Variants in WFDC13 observed in about 807,000 individuals in gnomAD.
WFDC13 encodes WAP four-disulfide core domain protein 13.
A neutral mutation model predicts 10.9 loss-of-function variants in WFDC13; 6 were observed. The ratio of observed to expected loss-of-function variants is 0.55; its 90% CI spans 0.30 to 1.09. The LOEUF (loss-of-function observed/expected upper bound fraction) is 1.09. Among genes scored for constraint, WFDC13 ranks in the 50% least tolerant of loss-of-function variants. The pLI, the probability that WFDC13 is intolerant of heterozygous loss-of-function variation, is 0.06. For missense variants in WFDC13, 104 were observed against 109.6 expected, an observed-to-expected ratio of 0.95 and a Z score of 0.23; for synonymous variants, 38 against 39.5, an observed-to-expected ratio of 0.96 and a Z score of 0.14.
Position 45,704,470 on chromosome 20 carries a change from A to G in WFDC13, c.115A>G (p.Ile39Val), listed in dbSNP as rs1459971068. Residue 39 changes from isoleucine to valine, a missense_variant, in exon 2 of 4, where the codon ATA becomes GTA. Physicochemically the swap from Ile to Val is conservative, Grantham distance 29. Transcript: ENST00000305479. ...LKYILEPPPC[I>V]SAPENCTHLC... ...GTATATCTTGGAACCTCCACCCTGCATATCAGCACCTGAAAACTGTACTCA... is the reference window on the plus strand; with the variant it reads ...GTATATCTTGGAACCTCCACCCTGCGTATCAGCACCTGAAAACTGTACTCA... 6.2e-7 allele frequency: 1 copy of G among 1,614,068 alleles called. No individual in the cohort carries two copies. The highest frequency in any genetic ancestry group is 8.5e-7 in the Non-Finnish European group (1 of 1,179,984).
chr20:45,702,874 C>A (rs1984224297), intron 1 of WFDC13, among the ~76,000 whole-genome samples: 1 of 152,190 alleles, frequency 6.6e-6, no homozygotes, highest in Admixed American at 6.5e-5. Flanking sequence ...ATCATACATC[C>A]ACTCTTCTAT....
At chr20:45,704,661 T>A in intron 2 of WFDC13, 67 bp downstream of exon 2, 1 of 1,573,596 alleles carries the variant, frequency 6.4e-7, no homozygotes, top group Non-Finnish European at 8.6e-7. Flanking sequence ...GAAGAGTCCC[T>A]TACCAGCAAC....
In WFDC13 at chr20:45,705,746, G is replaced by A. The variant is rs879218483; in HGVS notation, c.240-117G>A. ...TTTTTGAGGTTCTGCCTTCCCTATG[G>A]CAAGAGAAATGAGCTTCATGGTCTA... On this transcript the variant is annotated intron_variant, in intron 2 of 3. Coordinates refer to ENST00000305479, the MANE Select transcript of WFDC13 (RefSeq NM_172005.2). The A allele has an allele frequency of 3.2e-6, 3 of 943,730 alleles. No individual in the cohort carries two copies. The Admixed American group carries it at 7.8e-5, about 24-fold the overall frequency. 58.5% of individuals were successfully genotyped at this position (943,730 alleles called of 1,614,324 possible).
chr20:45,706,607 A>G (rs965993809), intron 3 of WFDC13, among the ~76,000 whole-genome samples: 4 of 152,088 alleles, frequency 2.6e-5, no homozygotes, highest in Non-Finnish European at 5.9e-5. Context: ...CCCTGTCTCT[A>G]CTAAAAATAC....
chr20:45,704,778 C>G, intron 2 of WFDC13, 184 bp downstream of exon 2: 1 of 1,262,198 alleles, frequency 7.9e-7, no homozygotes, highest in Non-Finnish European at 1.1e-6. Flanking sequence ...TTAGAAAAGC[C>G]CTCCTCCCCT....
rs1311197036 is a variant in WFDC13 at position 45,708,601 on chromosome 20, C to T, written c.*766C>T. On this transcript the variant is annotated 3_prime_UTR_variant, in exon 4 of 4. Transcript: ENST00000305479. ...TTGAATTATCCTTCTGTTCTCTCTACAGAAATGATATAAAAACTATAGTCA... is the reference window on the plus strand; with the variant it reads ...TTGAATTATCCTTCTGTTCTCTCTATAGAAATGATATAAAAACTATAGTCA... 6.6e-6 allele frequency: 1 copy of T among 151,928 alleles called. No individual in the cohort carries two copies. The highest frequency in any genetic ancestry group is 1.5e-5 in the Non-Finnish European group (1 of 67,996). The allele number at this position is 151,928 out of a possible 1,614,324, so 9.4% of individuals were successfully genotyped here.
rs1463903669 is a variant in WFDC13 at position 45,702,086 on chromosome 20, C to T, written c.-38C>T. On this transcript the variant is annotated 5_prime_UTR_variant, in exon 1 of 4. Transcript: ENST00000305479. ...AGCAGTGCCTGGTCAAACCCAGCAA[C>T]CCTTGGCCAGAACTTACTCACCCAT... 6.3e-7 allele frequency: 1 copy of T among 1,596,042 alleles called. No individual in the cohort carries two copies. The highest frequency in any genetic ancestry group is 1.7e-5 in the Admixed American group (1 of 57,888).
chr20:45,705,079 C>A lies in WFDC13; in HGVS notation c.239+485C>A, dbSNP rs749676612. 6.1e-6 allele frequency: 8 copies of A among 1,311,386 alleles called. No homozygotes were observed. In the South Asian group the frequency reaches 9.4e-5, roughly 15 times the overall value. The allele number at this position is 1,311,386 out of a possible 1,614,324, so 81.2% of individuals were successfully genotyped here. ...TCCAGACATTAACACTAGCCGCAAG[C>A]CTGCTAAATGGAGTGTGCTCCCAGG... On this transcript the variant is annotated intron_variant, in intron 2 of 3. Coordinates refer to ENST00000305479, the MANE Select transcript of WFDC13 (RefSeq NM_172005.2).
chr20:45,707,483 T>TTCAA (rs1239928164), intron 3 of WFDC13, among the ~76,000 whole-genome samples: 1 of 152,182 alleles, frequency 6.6e-6, no homozygotes, highest in African/African-American at 2.4e-5. Context: ...AAATAAAATA[T>TTCAA]TCAATCAGTT....
In WFDC13 at chr20:45,705,903, T is replaced by C; in HGVS notation, c.280T>C (p.Ter94ArgextTer48). ...KGSEVIMPAN[*>R] ...CTCAGAAGTCATCATGCCTGCCAAC[T>C]GAGGCATATTTCCTAGATCATTTTG... Residue 94 changes from the stop codon to arginine, a stop_lost, in exon 3 of 4, where the codon TGA (stop) becomes CGA (arginine). Coordinates refer to ENST00000305479, the MANE Select transcript of WFDC13 (RefSeq NM_172005.2). 6.2e-7 allele frequency: 1 copy of C among 1,614,088 alleles called. No homozygotes were observed. The highest frequency in any genetic ancestry group is 8.5e-7 in the Non-Finnish European group (1 of 1,179,976).
rs180699066 is a variant in WFDC13 at position 45,705,582 on chromosome 20, A to G, written c.240-281A>G. On this transcript the variant is annotated intron_variant, in intron 2 of 3. Coordinates refer to ENST00000305479, the MANE Select transcript of WFDC13 (RefSeq NM_172005.2). ...TGTAAGCTTTAAAACATTACTTGCC[A>G]ACATAATTGCTGTGAATTTTGGGGA... Among the ~76,000 whole-genome samples the G allele has an allele frequency of 4.5e-3, 686 of 152,332 alleles. 5 individuals carry two copies. The highest frequency in any genetic ancestry group is 0.01 in the Middle Eastern group (3 of 294).
intron 2 of WFDC13, 121 bp from the exon 3 acceptor site, chr20:45,705,742 T>C: frequency 1.1e-6 from 1 of 898,856 alleles, no homozygotes. Flanking sequence ...CTGCCTTCCC[T>C]ATGGCAAGAG....
intron 2 of WFDC13, chr20:45,705,192 A>G (rs1600969782): frequency 3.6e-6 from 2 of 555,864 alleles, no homozygotes; most frequent in African/African-American, 1.9e-5. Flanking sequence ...GAGTAAGACA[A>G]TTCCCTCTTT....
chr20:45,702,805 G>T (rs961639576), intron 1 of WFDC13, among the ~76,000 whole-genome samples: 1 of 152,216 alleles, frequency 6.6e-6, no homozygotes, highest in African/African-American at 2.4e-5. Context: ...ACTCAAAAGA[G>T]CTCTGGCTCT....
At chr20:45,705,062 T>C in intron 2 of WFDC13, 1 of 1,478,370 alleles carries the variant, frequency 6.8e-7, no homozygotes, top group Non-Finnish European at 9.5e-7. Context: ...TGTCCAGACA[T>C]TAACACTAGC....
At chr20:45,704,339 C>T in intron 1 of WFDC13, 105 bp from the exon 2 acceptor site, 1 of 1,453,236 alleles carries the variant, frequency 6.9e-7, no homozygotes, top group Non-Finnish European at 9.3e-7. Flanking sequence ...CCATGCAAGG[C>T]AGATGAGGGT....
intron 2 of WFDC13, among the ~76,000 whole-genome samples, chr20:45,705,406 G>T (rs1984352192): frequency 1.3e-5 from 2 of 151,986 alleles, no homozygotes; most frequent in Admixed American, 1.3e-4. Flanking sequence ...ATTAAGCATG[G>T]GCTCAAAGCC....
In WFDC13 at chr20:45,702,055, C is replaced by A. The variant is rs73908188; in HGVS notation, c.-69C>A. The stretch of plus-strand genomic sequence containing the variant: ...ACTTTGCCCTCTTTCCTTCTCTTCT[C>A]CTCACAGCAGTGCCTGGTCAAACCC... On this transcript the variant is annotated 5_prime_UTR_variant, in exon 1 of 4. Coordinates refer to ENST00000305479, the MANE Select transcript of WFDC13 (RefSeq NM_172005.2). The A allele has an allele frequency of 1.4e-6, 2 of 1,464,706 alleles. No homozygotes were observed. Among genetic ancestry groups the A allele is most frequent in the Non-Finnish European group, 1.9e-6 (2 of 1,065,310 alleles). 90.7% of individuals were successfully genotyped at this position (1,464,706 alleles called of 1,614,324 possible). A position where few individuals can be genotyped will look rare whatever the true frequency, so the allele number is the denominator to read the frequency against.
chr20:45,706,041 C>A, intron 3 of WFDC13, 114 bp downstream of exon 3: 1 of 865,592 alleles, frequency 1.2e-6, no homozygotes, highest in South Asian at 1.5e-5. Context: ...AATGGCCTCT[C>A]ATTACCTGAT....
Sources: allele counts gnomAD v4.1 joint callset (sites outside exome capture counted in the v4.1 genomes callset), GRCh38; gene constraint gnomAD v4.1.1; transcripts MANE v1.5; gene names NCBI Gene and HGNC (gene_info 2026-07-23, HGNC 2026-07-21).